Variants in LEPR observed in about 807,000 individuals in gnomAD.
LEPR encodes the protein OB receptor.
LEPR carries 56 observed loss-of-function variants against 114.7 expected under a neutral mutation model. That is an observed-to-expected ratio of 0.49 (90% CI 0.39 to 0.61). The LOEUF is 0.61. Among genes scored for constraint, LEPR ranks in the 20% least tolerant of loss-of-function variants. LEPR has a pLI of 0.00. For missense variants in LEPR, 1,202 were observed against 1,352.9 expected (o/e 0.89, Z 1.75); for synonymous variants, 443 against 461.4 (o/e 0.96, Z 0.51).
intron 5 of LEPR, among the ~76,000 whole-genome samples, chr1:65,582,829 T>C (rs1165252951): frequency 6.6e-6 from 1 of 152,126 alleles, no homozygotes; most frequent in African/African-American, 2.4e-5. Flanking sequence ...ATATAATAAC[T>C]CCCATTTAAA....
intron 2 of LEPR, among the ~76,000 whole-genome samples, chr1:65,521,115 T>C (rs1393571271): frequency 1.3e-5 from 2 of 152,242 alleles, no homozygotes; most frequent in Non-Finnish European, 2.9e-5. Flanking sequence ...ATTAACCTGA[T>C]TTTTCCGTAA....
chr1:65,618,752 A>G (rs1657695431), intron 16 of LEPR, among the ~76,000 whole-genome samples: 2 of 152,108 alleles, frequency 1.3e-5, no homozygotes, highest in Admixed American at 6.6e-5. Flanking sequence ...TCTTTCTACC[A>G]TTATTTTTAA....
intron 19 of LEPR, chr1:65,635,532 C>A: frequency 7.8e-6 from 2 of 257,596 alleles, no homozygotes; most frequent in Non-Finnish European, 6.1e-6. Context: ...TCATCTCTTT[C>A]ATCATCATTG....
chr1:65,434,069 C>G, intron 2 of LEPR: 1 of 985,216 alleles, frequency 1.0e-6, no homozygotes, highest in Non-Finnish European at 1.2e-6. Context: ...ACCAAGGTAG[C>G]CTTCATATGT....
intron 2 of LEPR, among the ~76,000 whole-genome samples, chr1:65,560,101 G>C (rs1420120625): frequency 9.0e-5 from 12 of 133,628 alleles, no homozygotes; most frequent in African/African-American, 3.4e-4. Context: ...GTCATTGGTA[G>C]CTTGATGGGG....
intron 2 of LEPR, among the ~76,000 whole-genome samples, chr1:65,457,873 A>C (rs1009716725): frequency 2.6e-5 from 4 of 152,230 alleles, no homozygotes; most frequent in African/African-American, 7.2e-5. Context: ...TGAAGTTGAT[A>C]GTATATTTGT....
intron 2 of LEPR, among the ~76,000 whole-genome samples, chr1:65,511,183 C>T (rs1047623569): frequency 6.6e-6 from 1 of 152,150 alleles, no homozygotes; most frequent in Non-Finnish European, 1.5e-5. Context: ...TGCTTAAATA[C>T]TTCCAGTGAC....
intron 15 of LEPR, among the ~76,000 whole-genome samples, chr1:65,616,425 T>G (rs1657527150): frequency 6.6e-6 from 1 of 152,178 alleles, no homozygotes; most frequent in Non-Finnish European, 1.5e-5. Context: ...GAGCTTTCAT[T>G]TGGGAGAACA....
At chr1:65,609,034 A>G (rs954912945) in intron 12 of LEPR, 133 bp downstream of exon 12, 43 of 1,206,890 alleles carry the variant, frequency 3.6e-5, no homozygotes, top group Non-Finnish European at 4.6e-5. Flanking sequence ...TTTTCATTAA[A>G]TAGATTTATC....
At chr1:65,624,053 CTG>C (rs1658045995) in intron 19 of LEPR, among the ~76,000 whole-genome samples, 1 of 152,100 alleles carries the variant, frequency 6.6e-6, no homozygotes, top group Non-Finnish European at 1.5e-5. Context: ...AATTCAAAGA[CTG>C]TATTTTATCC....
At chr1:65,512,239 A>AGTTT (rs1197886653) in intron 2 of LEPR, among the ~76,000 whole-genome samples, 3 of 152,112 alleles carry the variant, frequency 2.0e-5, no homozygotes, top group Non-Finnish European at 2.9e-5. Context: ...ATGGTGCTAA[A>AGTTT]CTATTCAATA....
At chr1:65,463,729 G>A (rs1352201708) in intron 2 of LEPR, among the ~76,000 whole-genome samples, 3 of 152,054 alleles carry the variant, frequency 2.0e-5, no homozygotes, top group African/African-American at 7.2e-5. Context: ...TCCTTGAAGA[G>A]GTCCTTCACA....
At chr1:65,615,124 C>T (rs913247582) in intron 14 of LEPR, among the ~76,000 whole-genome samples, 1 of 152,016 alleles carries the variant, frequency 6.6e-6, no homozygotes, top group African/African-American at 2.4e-5. Flanking sequence ...CAGATGATTC[C>T]AAGTTTTGCA....
At chr1:65,434,969 A>G in intron 2 of LEPR, 2 of 985,518 alleles carry the variant, frequency 2.0e-6, no homozygotes, top group Non-Finnish European at 2.4e-6. Flanking sequence ...TGACACCTGC[A>G]TTGGGCCGAC....
At chr1:65,550,833 A>T (rs1429298576) in intron 2 of LEPR, among the ~76,000 whole-genome samples, 2 of 152,072 alleles carry the variant, frequency 1.3e-5, no homozygotes, top group Admixed American at 6.5e-5. Flanking sequence ...ACTGTCCTGC[A>T]CCCACTGTCT....
At chr1:65,540,804 A>G (rs148948344) in intron 2 of LEPR, among the ~76,000 whole-genome samples, 1 of 152,214 alleles carries the variant, frequency 6.6e-6, no homozygotes, top group Non-Finnish European at 1.5e-5. Flanking sequence ...TTTTCAAGGT[A>G]TCTCAGGAGG....
At chr1:65,598,512 T>C in intron 7 of LEPR, 148 bp from the exon 8 acceptor site, 1 of 1,193,382 alleles carries the variant, frequency 8.4e-7, no homozygotes, top group Non-Finnish European at 1.1e-6. Context: ...TTTTTGGTTA[T>C]TGATGTTTGT....
At chr1:65,430,011 C>T (rs368876775) in intron 2 of LEPR, 8 of 1,566,968 alleles carry the variant, frequency 5.1e-6, no homozygotes, top group Non-Finnish European at 6.1e-6. Flanking sequence ...GTTGTTTCTG[C>T]CTTTGGATTT....
At chr1:65,459,011 A>G (rs1006083506) in intron 2 of LEPR, among the ~76,000 whole-genome samples, 23 of 152,232 alleles carry the variant, frequency 1.5e-4, no homozygotes, top group African/African-American at 5.1e-4. Flanking sequence ...TGAGACAGAC[A>G]TAATCTATAG....
Sources: gnomAD v4.1 joint callset for allele counts (sites outside exome capture counted in the v4.1 genomes callset) on GRCh38, gnomAD v4.1.1 for gene constraint, MANE v1.5 for transcripts, NCBI Gene and HGNC (gene_info 2026-07-23, HGNC 2026-07-21) for gene names.